RPF2: variants seen among roughly 807,000 people sequenced by gnomAD.
The protein encoded by RPF2 is ribosome production factor 2 homolog.
Under a neutral mutation model 38.9 loss-of-function variants are expected in RPF2, and 21 were observed. The observed-to-expected ratio is 0.54, with a 90% CI of 0.38 to 0.78. RPF2 has a LOEUF of 0.78. RPF2 is among the 30% of genes least tolerant of loss of function. The pLI is 0.00. For synonymous variants in RPF2, 121 were observed against 126.2 expected, an observed-to-expected ratio of 0.96 and a Z score of 0.28; for missense variants, 314 against 358.1, an observed-to-expected ratio of 0.88 and a Z score of 0.99.
chr6:110,984,456 G>A (rs1259456075), intron 1 of RPF2, among the ~76,000 whole-genome samples: 1 of 151,854 alleles, frequency 6.6e-6, no homozygotes. Context: ...AAGAATGGTG[G>A]GAATACAAAA....
In RPF2 at chr6:110,985,009, G is replaced by C. The variant is rs2114286396; in HGVS notation, c.27G>C (p.Lys9Asn). Residue 9 changes from lysine (K) to asparagine (N), a missense_variant, in exon 2 of 10, where the codon AAG (lysine) becomes AAC (asparagine). Lys to Asn is a moderately conservative substitution (Grantham distance 94). Coordinates refer to ENST00000441448, the MANE Select transcript of RPF2 (RefSeq NM_032194.3). MDTLDRVV[K>N]PKTKRAKRFL... Reference sequence around the variant, plus strand: ...TGAATTGTGCTTTTCTGAACAGAAAGCCCAAAACGAAAAGAGCCAAGAGAT... The same window carrying C: ...TGAATTGTGCTTTTCTGAACAGAAACCCCAAAACGAAAAGAGCCAAGAGAT... The C allele has an allele frequency of 6.2e-7, 1 of 1,611,070 alleles. No individual in the cohort carries two copies. Among genetic ancestry groups the C allele is most frequent in the Admixed American group, 1.7e-5 (1 of 59,812 alleles).
chr6:110,989,910 AC>A (rs950902187), intron 3 of RPF2, among the ~76,000 whole-genome samples: 48 of 149,298 alleles, frequency 3.2e-4, no homozygotes, highest in Middle Eastern at 7.1e-3. Context: ...GGCGTGAGCC[AC>A]CCCGCCCGGC....
At chr6:111,006,521 A>G (rs1327355532) in intron 6 of RPF2, among the ~76,000 whole-genome samples, 1 of 152,068 alleles carries the variant, frequency 6.6e-6, no homozygotes, top group Non-Finnish European at 1.5e-5. Context: ...ATAGGCGTGA[A>G]CCACTGTGCC....
rs191792196 is a variant in RPF2, at chr6:111,007,285, C to T, written c.394-753C>T. Among the ~76,000 whole-genome samples, 240 of 152,250 alleles carry T rather than the reference C, an allele frequency of 1.6e-3. 7 individuals are homozygous for T. Among genetic ancestry groups the T allele is most frequent in the Admixed American group, 0.014 (214 of 15,290 alleles). The stretch of plus-strand genomic sequence containing the variant: ...TTTGTTTTGTTTTGTTTTCCTTTTG[C>T]AAGAGTAACTTTTAATTTTATTCTT... On this transcript the variant is annotated intron_variant, in intron 6 of 9. Transcript: ENST00000441448.
At chr6:111,003,426 G>T (rs1042358668) in intron 6 of RPF2, among the ~76,000 whole-genome samples, 2 of 152,018 alleles carry the variant, frequency 1.3e-5, no homozygotes, top group Non-Finnish European at 2.9e-5. Flanking sequence ...AAGTGGTTGG[G>T]ATTACAGGTG....
chr6:111,015,380 T>G (rs1156760866), intron 7 of RPF2, among the ~76,000 whole-genome samples: 1 of 152,254 alleles, frequency 6.6e-6, no homozygotes, highest in East Asian at 1.9e-4. Flanking sequence ...TTGATTTTAA[T>G]AGTCAATTTG....
intron 3 of RPF2, 74 bp from the exon 4 acceptor site, chr6:110,991,673 T>TAA: frequency 2.0e-6 from 1 of 509,946 alleles, no homozygotes; most frequent in Non-Finnish European, 3.4e-6. Context: ...CATCTGAATA[T>TAA]AAAATTACCT....
rs368162441 is a variant in RPF2, at chr6:111,025,399, G to A, written c.742-4G>A. 229 of 1,579,918 alleles carry A rather than the reference G, an allele frequency of 1.4e-4. No individual in the cohort carries two copies. The highest frequency in any genetic ancestry group is 1.7e-4 in the Admixed American group (10 of 57,520). ...TTAAATATATACATATTCTTTTATC[G>A]TAGCCAAAGAAGAAGAAAAATATTT... On this transcript the variant is annotated splice_polypyrimidine_tract_variant and splice_region_variant and intron_variant, in intron 9 of 9. Coordinates refer to ENST00000441448, the MANE Select transcript of RPF2 (RefSeq NM_032194.3).
intron 4 of RPF2, among the ~76,000 whole-genome samples, chr6:110,993,126 G>T (rs552261963): frequency 6.6e-6 from 1 of 152,000 alleles, no homozygotes; most frequent in African/African-American, 2.4e-5. Context: ...GCTAATTTTT[G>T]TAGAGATAGG....
intron 8 of RPF2, 69 bp downstream of exon 8, chr6:111,015,925 T>C: frequency 8.5e-7 from 1 of 1,179,256 alleles, no homozygotes; most frequent in Non-Finnish European, 1.3e-6. Context: ...GACTGTTTTT[T>C]AGAGCCCAAA....
At chr6:111,018,084 G>A (rs544944111) in intron 8 of RPF2, among the ~76,000 whole-genome samples, 14 of 152,106 alleles carry the variant, frequency 9.2e-5, no homozygotes, top group Non-Finnish European at 1.8e-4. Flanking sequence ...GTGGCGGCGC[G>A]CGCCTGCAGT....
intron 7 of RPF2, among the ~76,000 whole-genome samples, chr6:111,012,343 T>G (rs1295520694): frequency 6.6e-6 from 1 of 151,938 alleles, no homozygotes; most frequent in Non-Finnish European, 1.5e-5. Flanking sequence ...GCTAATTTTT[T>G]TTATTTCTTG....
At chr6:111,013,044 A>C (rs1306651452) in intron 7 of RPF2, among the ~76,000 whole-genome samples, 2 of 152,212 alleles carry the variant, frequency 1.3e-5, no homozygotes, top group Admixed American at 1.3e-4. Flanking sequence ...CTTCTTGGTC[A>C]AAATCCTAAC....
chr6:111,001,765 G>A (rs1771815081), intron 6 of RPF2, among the ~76,000 whole-genome samples: 1 of 152,114 alleles, frequency 6.6e-6, no homozygotes, highest in Non-Finnish European at 1.5e-5. Context: ...TAGTGGGAGG[G>A]AGCACTGGCT....
At chr6:110,992,445 C>CTTT (rs56993092) in intron 4 of RPF2, among the ~76,000 whole-genome samples, 9 of 141,492 alleles carry the variant, frequency 6.4e-5, no homozygotes, top group East Asian at 2.0e-4. Context: ...GATGTTTTTA[C>CTTT]TTTTTTTTTT....
intron 3 of RPF2, among the ~76,000 whole-genome samples, chr6:110,990,012 C>G (rs1771592175): frequency 1.3e-5 from 2 of 151,580 alleles, no homozygotes; most frequent in Admixed American, 6.6e-5. Context: ...GATCTAAGGT[C>G]ACTGCAACAC....
chr6:111,008,335 G>A (rs1771953160), intron 7 of RPF2, among the ~76,000 whole-genome samples, 198 bp downstream of exon 7: 1 of 151,906 alleles, frequency 6.6e-6, no homozygotes, highest in Admixed American at 6.6e-5. Context: ...AATCTTCTCT[G>A]TATGGTTCCA....
chr6:110,989,215 TG>T (rs1262752168), intron 3 of RPF2, 150 bp downstream of exon 3: 1 of 860,682 alleles, frequency 1.2e-6, no homozygotes, highest in Admixed American at 4.2e-5. Context: ...TCTTTTGGTC[TG>T]TTTTTTTCAT....
At position 111,008,898 on chromosome 6, in the gene RPF2, C is replaced by CTTTTTTTTTTT. The variant is rs57167034; in HGVS notation, c.493+769_493+779dup. Among the ~76,000 whole-genome samples, 27 of 120,434 alleles carry CTTTTTTTTTTT rather than the reference C, an allele frequency of 2.2e-4. 1 individual carries two copies. The highest frequency in any genetic ancestry group is 6.3e-4 in the African/African-American group (19 of 30,104). The allele number at this position is 120,434 out of a possible 152,430, so 79.0% of individuals were successfully genotyped here. A position where few individuals can be genotyped will look rare whatever the true frequency, so the allele number is the denominator to read the frequency against. On this transcript the variant is annotated intron_variant, in intron 7 of 9. Coordinates refer to ENST00000441448, the MANE Select transcript of RPF2 (RefSeq NM_032194.3). ...AAGCCCTCAGTGACCTTCCTGGCTC[C>CTTTTTTTTTTT]TTTTTTTTTTTTTTTTTTAAAGATA...
Sources: gnomAD v4.1 joint callset for allele counts (sites outside exome capture counted in the v4.1 genomes callset) on GRCh38, gnomAD v4.1.1 for gene constraint, MANE v1.5 for transcripts, NCBI Gene and HGNC (gene_info 2026-07-23, HGNC 2026-07-21) for gene names.